The following KATNIP variants were observed in gnomAD, a reference collection of about 807,000 sequenced individuals.
KATNIP encodes katanin interacting protein.
KATNIP carries 126 observed loss-of-function variants against 174.0 expected under a neutral mutation model. The observed-to-expected ratio is 0.72, with a 90% CI of 0.63 to 0.84. KATNIP has a LOEUF of 0.84. KATNIP is among the 40% of genes least tolerant of loss of function. The pLI, the probability that KATNIP is intolerant of heterozygous loss-of-function variation, is 0.00. For missense variants in KATNIP, 1,958 were observed against 2,109.7 expected (o/e 0.93, Z 1.41); for synonymous variants, 810 against 835.7 (o/e 0.97, Z 0.53).
At position 27,778,772 on chromosome 16, in the gene KATNIP, CGG is replaced by C. The variant is rs1207559489; in HGVS notation, c.*145_*146del. ...GGGAGCCCGCTGGGAAGAGGGGACT[CGG>C]GAGGACAGCCCTGGATACTACCAGA... On this transcript the variant is annotated 3_prime_UTR_variant, in exon 28 of 28. Coordinates refer to ENST00000261588, the MANE Select transcript of KATNIP (RefSeq NM_015202.5). 2.8e-6 allele frequency: 2 copies of C among 703,526 alleles called. No homozygotes were observed. Among genetic ancestry groups the C allele is most frequent in the Non-Finnish European group, 4.7e-6 (2 of 425,788 alleles). 43.6% of individuals were successfully genotyped at this position (703,526 alleles called of 1,614,324 possible).
chr16:27,766,283 CT>C (rs2082121585), intron 19 of KATNIP, 25 bp from the exon 20 acceptor site: 1 of 1,611,532 alleles, frequency 6.2e-7, no homozygotes, highest in African/African-American at 1.3e-5. Context: ...AGCCGCCCCC[CT>C]GCCGCTCCGT....
intron 19 of KATNIP, among the ~76,000 whole-genome samples, chr16:27,765,822 A>C (rs571768128): frequency 6.6e-6 from 1 of 152,120 alleles, no homozygotes; most frequent in Admixed American, 6.6e-5. Flanking sequence ...TCATGATGGC[A>C]CCTTAACCCC....
chr16:27,630,916 G>C (rs558573699), intron 4 of KATNIP, 149 bp from the exon 5 acceptor site: 2 of 611,724 alleles, frequency 3.3e-6, no homozygotes, highest in Non-Finnish European at 5.9e-6. Flanking sequence ...CTGATGTCTT[G>C]TTGCCACAAC....
Position 27,708,920 on chromosome 16 carries a change from T to TGTGA in KATNIP, c.1605+4_1605+7dup. 6.2e-7 allele frequency: 1 copy of TGTGA among 1,610,204 alleles called. No homozygotes were observed. Among genetic ancestry groups the TGTGA allele is most frequent in the Non-Finnish European group, 8.5e-7 (1 of 1,177,850 alleles). ...GCCGCCTCGTCAACAGGAACTTAGC[T>TGTGA]GTGAGTGGAAGGGGCACTGGATTGC... is the stretch of plus-strand genomic sequence containing the variant. On this transcript the variant is annotated frameshift_variant and splice_region_variant. Coordinates refer to ENST00000261588, the MANE Select transcript of KATNIP (RefSeq NM_015202.5). LOFTEE classifies it high-confidence loss of function.
Position 27,618,472 on chromosome 16 carries a change from G to C in KATNIP, c.111G>C (p.Glu37Asp). ...CAGACTTTGATGAGAAACATGATGA[G>C]TATTTAATATTGCTTCAGCAGAGGA... The part of the protein sequence containing the change: ...MVTDFDEKHD[E>D]YLILLQQRNR... Residue 37 changes from glutamate (E) to aspartate (D), a missense_variant, in exon 3 of 28, where the codon GAG becomes GAC. This residue lies in a region of KATNIP where 1,557 missense variants were observed against 1,617.8 expected (regional missense o/e 0.96). Coordinates refer to ENST00000261588, the MANE Select transcript of KATNIP (RefSeq NM_015202.5). 1.2e-6 allele frequency: 2 copies of C among 1,612,748 alleles called. No homozygotes were observed. Among genetic ancestry groups the C allele is most frequent in the African/African-American group, 1.3e-5 (1 of 75,012 alleles).
At chr16:27,703,454 A>G (rs538540313) in intron 11 of KATNIP, among the ~76,000 whole-genome samples, 1 of 152,378 alleles carries the variant, frequency 6.6e-6, no homozygotes, top group Non-Finnish European at 1.5e-5. Flanking sequence ...ATAAAGGGCC[A>G]GATAGTAAAT....
At chr16:27,658,638 T>C (rs2077371303) in intron 6 of KATNIP, among the ~76,000 whole-genome samples, 1 of 152,170 alleles carries the variant, frequency 6.6e-6, no homozygotes, top group Non-Finnish European at 1.5e-5. Flanking sequence ...TTTGGAACCA[T>C]ATTCTGCACT....
At chr16:27,566,743 AC>A (rs2090105183) in intron 1 of KATNIP, among the ~76,000 whole-genome samples, 1 of 151,978 alleles carries the variant, frequency 6.6e-6, no homozygotes, top group Non-Finnish European at 1.5e-5. Flanking sequence ...TGCTTCTGTG[AC>A]CCATGCGGCT....
chr16:27,750,270 G>C lies in KATNIP; in HGVS notation c.3310G>C (p.Gly1104Arg). The C allele has an allele frequency of 6.2e-7, 1 of 1,613,724 alleles. No homozygotes were observed. Among genetic ancestry groups the C allele is most frequent in the South Asian group, 1.1e-5 (1 of 91,008 alleles). The change falls in exon 16 of 28, where the codon GGA becomes CGA. Residue 1104 changes from glycine (G) to arginine (R), a missense_variant. Gly to Arg is a moderately radical substitution (Grantham distance 125). Around this residue, in one of 3 missense-constraint regions of KATNIP, gnomAD observed 1,557 missense variants for 1,617.8 expected, o/e 0.96. Coordinates refer to ENST00000261588, the MANE Select transcript of KATNIP (RefSeq NM_015202.5). ...MLLDTQCIFE[G>R]EIAKASGTLA... Reference sequence around the variant, plus strand: ...GTTAGACACCCAGTGCATCTTTGAAGGAGAAATCGCCAAGGCCTCTGGAAC... The same window carrying C: ...GTTAGACACCCAGTGCATCTTTGAACGAGAAATCGCCAAGGCCTCTGGAAC...
At position 27,778,561 on chromosome 16, in the gene KATNIP, C is replaced by T; in HGVS notation, c.4802-13C>T. ...CTTAGTAACTCTGGTCCCTCTGTTC[C>T]CTGTCATGACAGCCTTACGTCCCAA... On this transcript the variant is annotated splice_polypyrimidine_tract_variant and intron_variant, in intron 27 of 27. Coordinates refer to ENST00000261588, the MANE Select transcript of KATNIP (RefSeq NM_015202.5). 1 of 1,613,294 alleles carries T rather than the reference C, an allele frequency of 6.2e-7. No individual in the cohort carries two copies. Among genetic ancestry groups the T allele is most frequent in the Non-Finnish European group, 8.5e-7 (1 of 1,179,494 alleles).
intron 2 of KATNIP, among the ~76,000 whole-genome samples, chr16:27,581,603 T>C (rs970920737): frequency 6.6e-6 from 1 of 152,220 alleles, no homozygotes; most frequent in African/African-American, 2.4e-5. Context: ...TCTTTTGTTT[T>C]ACCATAGGTT....
intron 20 of KATNIP, among the ~76,000 whole-genome samples, chr16:27,768,750 T>C (rs1567424902): frequency 6.6e-6 from 1 of 152,190 alleles, no homozygotes; most frequent in Non-Finnish European, 1.5e-5. Context: ...TTACTTGTCC[T>C]GTAACTGACA....
At chr16:27,689,037 G>A (rs1043595261) in intron 8 of KATNIP, among the ~76,000 whole-genome samples, 1 of 152,212 alleles carries the variant, frequency 6.6e-6, no homozygotes, top group Non-Finnish European at 1.5e-5. Flanking sequence ...AGGAAAGAAT[G>A]GTTCCCTGAA....
intron 18 of KATNIP, among the ~76,000 whole-genome samples, chr16:27,758,047 T>C (rs2081804346): frequency 6.6e-6 from 1 of 152,214 alleles, no homozygotes; most frequent in Admixed American, 6.5e-5. Context: ...ATATGGAATG[T>C]TGGATATTAG....
intron 6 of KATNIP, among the ~76,000 whole-genome samples, chr16:27,663,397 A>G (rs904301992): frequency 1.3e-5 from 2 of 151,330 alleles, no homozygotes; most frequent in East Asian, 1.9e-4. Flanking sequence ...ATATAGTACT[A>G]TGTAATACTT....
At chr16:27,570,833 G>T (rs1170855479) in intron 1 of KATNIP, among the ~76,000 whole-genome samples, 1 of 152,144 alleles carries the variant, frequency 6.6e-6, no homozygotes, top group African/African-American at 2.4e-5. Context: ...GCAAATACTA[G>T]TATACAGTTA....
chr16:27,581,187 G>A (rs1433973834), intron 2 of KATNIP, among the ~76,000 whole-genome samples: 1 of 152,120 alleles, frequency 6.6e-6, no homozygotes, highest in Non-Finnish European at 1.5e-5. Context: ...TTGCATAAAT[G>A]TATTACTAAT....
intron 1 of KATNIP, among the ~76,000 whole-genome samples, chr16:27,557,612 A>C (rs2089683999): frequency 6.6e-6 from 1 of 150,580 alleles, no homozygotes; most frequent in Non-Finnish European, 1.5e-5. Flanking sequence ...TTTTTTGTGG[A>C]GATGGGGGTC....
intron 2 of KATNIP, among the ~76,000 whole-genome samples, chr16:27,613,856 A>G (rs952338904): frequency 2.6e-5 from 4 of 152,104 alleles, no homozygotes; most frequent in Admixed American, 2.6e-4. Context: ...CCAGGGGAGG[A>G]CAGAGTAGCC....
Sources: allele counts gnomAD v4.1 joint callset (sites outside exome capture counted in the v4.1 genomes callset), GRCh38; gene constraint gnomAD v4.1.1; regional missense constraint gnomAD v4.1.1; transcripts MANE v1.5; gene names NCBI Gene and HGNC (gene_info 2026-07-23, HGNC 2026-07-21).